TIAM2: variants seen among roughly 807,000 people sequenced by gnomAD.
TIAM2 encodes the protein TIAM Rac1 associated GEF 2.
TIAM2 carries 80 observed loss-of-function variants against 152.9 expected under a neutral mutation model. That is an observed-to-expected ratio of 0.52 (90% CI 0.44 to 0.63). The LOEUF (loss-of-function observed/expected upper bound fraction) is 0.63, where lower values mean the gene tolerates loss of function less well. TIAM2 is among the 30% of genes least tolerant of loss of function. TIAM2 has a pLI of 0.00. For missense variants in TIAM2, 1,965 were observed against 2,120.1 expected (o/e 0.93, Z 1.44); for synonymous variants, 804 against 838.0 (o/e 0.96, Z 0.70).
At chr6:155,243,311 AG>A (rs1783143304) in intron 16 of TIAM2, among the ~76,000 whole-genome samples, 1 of 152,118 alleles carries the variant, frequency 6.6e-6, no homozygotes, top group Non-Finnish European at 1.5e-5. Flanking sequence ...GTGCTCCCTG[AG>A]GCAGAAGAGG....
At chr6:155,005,212 G>A (rs1583146388) in intron 1 of TIAM2, 1 of 226,948 alleles carries the variant, frequency 4.4e-6, no homozygotes. Flanking sequence ...CTGGAGGCCT[G>A]CCTGTCTTTC....
rs147559685 is a variant in TIAM2 at position 155,248,178 on chromosome 6, G to A, written c.3831G>A (p.Thr1277=). Reference sequence around the variant, plus strand: ...AGAGCGAGGAGCACTACCACCTGACGGGTGAGGCGGCGGCGGCACCTCCGG... The same window carrying A: ...AGAGCGAGGAGCACTACCACCTGACAGGTGAGGCGGCGGCGGCACCTCCGG... ...DQESEEHYHL[T]EALKAMEKVA... is the part of the protein sequence containing the mutation. Residue 1277 remains threonine (T), a splice_region_variant and synonymous_variant, in exon 20 of 27, where the codon ACG becomes ACA. Coordinates refer to ENST00000682666, the MANE Select transcript of TIAM2 (RefSeq NM_012454.4). 23 of 1,612,656 alleles carry A rather than the reference G, an allele frequency of 1.4e-5. No individual in the cohort carries two copies. In the Admixed American group the frequency reaches 2.5e-4, roughly 18 times the overall value.
At chr6:155,165,202 A>G (rs1195852562) in intron 8 of TIAM2, 61 bp from the exon 9 acceptor site, 2 of 1,524,208 alleles carry the variant, frequency 1.3e-6, no homozygotes, top group Non-Finnish European at 1.8e-6. Flanking sequence ...CACTTCCTTC[A>G]TTTTTTCTGC....
At position 155,130,412 on chromosome 6, in the gene TIAM2, C is replaced by T. The variant is rs2115038701; in HGVS notation, c.1189C>T (p.Leu397Phe). ...TGSLSRKKRK[L>F]QEPRSKEGSD... ...AAGCCTCTCAAGGAAGAAAAGGAAA[C>T]TCCAGGTGAGCATACCTTAGAGCAG... is the stretch of plus-strand genomic sequence containing the variant. The change falls in exon 4 of 27, where the codon CTC becomes TTC. Residue 397 changes from leucine (L) to phenylalanine (F), a missense_variant. By Grantham distance (22) the Leu-to-Phe change is conservative. Transcript: ENST00000682666. 1.2e-6 allele frequency: 2 copies of T among 1,612,792 alleles called. No homozygotes were observed. Among genetic ancestry groups the T allele is most frequent in the Middle Eastern group, 1.7e-4 (1 of 6,040 alleles).
rs1413648245 is a variant in TIAM2 at position 155,144,675 on chromosome 6, C to T, written c.1700C>T (p.Ala567Val). ...GATCAGAGCAGTGCCCCTCGGTGTG[C>T]TCTGTTTGCAGAAGACAGCATAGTG... is the stretch of plus-strand genomic sequence containing the variant. ...SMDQSSAPRC[A>V]LFAEDSIVQS... is the part of the protein sequence containing the mutation. The change falls in exon 6 of 27, where the codon GCT (alanine) becomes GTT (valine). Residue 567 changes from alanine to valine, a missense_variant. By Grantham distance (64) the Ala-to-Val change is moderately conservative. This residue lies in a region of TIAM2 where 1,025 missense variants were observed against 1,119.4 expected (regional missense o/e 0.92). Transcript: ENST00000682666. The T allele has an allele frequency of 2.7e-5, 43 of 1,608,836 alleles. No homozygotes were observed. The highest frequency in any genetic ancestry group is 3.4e-5 in the Non-Finnish European group (40 of 1,178,320).
chr6:155,073,921 C>T (rs9384280), intron 1 of TIAM2, among the ~76,000 whole-genome samples: 35,357 of 152,044 alleles, frequency 0.23, 4,710 homozygotes, highest in East Asian at 0.43. Flanking sequence ...CACAAAATCC[C>T]TTTGAGGCTG....
At chr6:155,013,665 G>A (rs958940464) in intron 1 of TIAM2, 4 of 152,102 alleles carry the variant, frequency 2.6e-5, no homozygotes, top group Non-Finnish European at 4.4e-5. Context: ...GAGCCATATG[G>A]AAGTCTGAAG....
intron 2 of TIAM2, among the ~76,000 whole-genome samples, chr6:155,112,528 C>T (rs73573776): frequency 0.02 from 3,075 of 152,098 alleles, 120 homozygotes; most frequent in African/African-American, 0.07. Context: ...GCCCCAGGGC[C>T]TCCTTGGACC....
At chr6:155,150,030 A>C (rs1223490582) in intron 7 of TIAM2, among the ~76,000 whole-genome samples, 1 of 152,048 alleles carries the variant, frequency 6.6e-6, no homozygotes, top group Non-Finnish European at 1.5e-5. Flanking sequence ...ATAATGTATC[A>C]ATTGGCAATA....
chr6:155,194,694 C>A (rs1036441843), intron 14 of TIAM2, among the ~76,000 whole-genome samples: 1 of 152,110 alleles, frequency 6.6e-6, no homozygotes, highest in Non-Finnish European at 1.5e-5. Flanking sequence ...GATATAGGAA[C>A]AACAAGACTC....
chr6:155,254,229 A>G, intron 25 of TIAM2, 169 bp downstream of exon 25: 2 of 994,716 alleles, frequency 2.0e-6, no homozygotes, highest in Non-Finnish European at 2.9e-6. Context: ...TTGATTAAAT[A>G]AATATCAAAA....
chr6:155,252,494 T>C (rs2115356958), intron 23 of TIAM2, among the ~76,000 whole-genome samples: 1 of 152,194 alleles, frequency 6.6e-6, no homozygotes, highest in South Asian at 2.1e-4. Flanking sequence ...GTAAATAAAG[T>C]AGATAAATAC....
intron 15 of TIAM2, among the ~76,000 whole-genome samples, chr6:155,217,418 C>G (rs73577456): frequency 0.13 from 20,195 of 152,114 alleles, 1,575 homozygotes; most frequent in African/African-American, 0.21. Context: ...AAGGCCTAGG[C>G]AAATATTTAC....
Position 155,229,139 on chromosome 6 carries a change from C to A in TIAM2, c.3169-11391C>A, listed in dbSNP as rs1439962773. 2.0e-5 allele frequency among the ~76,000 whole-genome samples: 3 copies of A among 152,168 alleles called. No individual in the cohort carries two copies. The East Asian group carries it at 5.8e-4, about 29-fold the overall frequency. On this transcript the variant is annotated intron_variant, in intron 15 of 26. Coordinates refer to ENST00000682666, the MANE Select transcript of TIAM2 (RefSeq NM_012454.4). ...CGCCTCCCCTCGTTGTTACTCTTCC[C>A]ATAGCCCTCGCCACTTTATTGAGAT... is the stretch of plus-strand genomic sequence containing the variant.
intron 1 of TIAM2, among the ~76,000 whole-genome samples, chr6:155,066,624 T>C (rs1311164533): frequency 6.6e-6 from 1 of 152,204 alleles, no homozygotes; most frequent in East Asian, 1.9e-4. Context: ...TCCTTAGAAC[T>C]GGGAAGCAAG....
At chr6:155,065,521 T>G (rs1777673934) in intron 1 of TIAM2, among the ~76,000 whole-genome samples, 1 of 152,028 alleles carries the variant, frequency 6.6e-6, no homozygotes, top group Non-Finnish European at 1.5e-5. Flanking sequence ...CTCATGCCTG[T>G]AATCCCAGCA....
chr6:155,187,573 C>CCCTTTTTTTTTTTTTTTTT (rs1189509294), intron 14 of TIAM2, among the ~76,000 whole-genome samples: 2 of 49,624 alleles, frequency 4.0e-5, no homozygotes, highest in African/African-American at 7.9e-5. Flanking sequence ...ACCCCGCCCC[C>CCCTTTTTTTTTTTTTTTTT]TTTTTTTTTT....
intron 1 of TIAM2, among the ~76,000 whole-genome samples, chr6:155,026,973 T>C (rs1776615921): frequency 6.6e-6 from 1 of 152,166 alleles, no homozygotes; most frequent in Non-Finnish European, 1.5e-5. Flanking sequence ...ATTCTGCATG[T>C]CCATATAATT....
At chr6:155,140,376 T>C (rs1319212528) in intron 5 of TIAM2, among the ~76,000 whole-genome samples, 1 of 152,162 alleles carries the variant, frequency 6.6e-6, no homozygotes, top group Non-Finnish European at 1.5e-5. Flanking sequence ...ATGTGAATAC[T>C]TAGAATGGAT....
Sources: allele counts gnomAD v4.1 joint callset (sites outside exome capture counted in the v4.1 genomes callset), GRCh38; gene constraint gnomAD v4.1.1; regional missense constraint gnomAD v4.1.1; transcripts MANE v1.5; gene names NCBI Gene and HGNC (gene_info 2026-07-23, HGNC 2026-07-21).